Variants in RBFOX1 observed in about 807,000 individuals in gnomAD.
The protein encoded by RBFOX1 is RNA binding protein fox-1 homolog 1.
Under a neutral mutation model 57.7 loss-of-function variants are expected in RBFOX1, and 8 were observed. The observed-to-expected ratio is 0.14, with a 90% CI of 0.08 to 0.25. The LOEUF (loss-of-function observed/expected upper bound fraction) is 0.25, where lower values mean the gene tolerates loss of function less well. RBFOX1 is among the 10% of genes least tolerant of loss of function. RBFOX1 has a pLI of 1.00. For synonymous variants in RBFOX1, 326 were observed against 222.4 expected (o/e 1.47, Z -4.15); for missense variants, 611 against 548.5 (o/e 1.11, Z -1.14).
Position 5,922,029 on chromosome 16 carries a change from T to G in RBFOX1, c.351+54694T>G, listed in dbSNP as rs550275306. ...AAGAAAAATTCGCCGGGCATGGTGATGTACTCTTGTGGTCTCAGCTACTTG... is the reference window on the plus strand; with the variant it reads ...AAGAAAAATTCGCCGGGCATGGTGAGGTACTCTTGTGGTCTCAGCTACTTG... On this transcript the variant is annotated intron_variant, in intron 4 of 19. Coordinates refer to the RBFOX1 transcript ENST00000641259. Among the ~76,000 whole-genome samples the G allele has an allele frequency of 3.2e-4, 49 of 151,464 alleles. 1 individual carries two copies. The highest frequency in any genetic ancestry group is 1.1e-3 in the African/African-American group (46 of 41,292).
At chr16:6,980,369 G>A (rs1460664426) in intron 3 of RBFOX1, among the ~76,000 whole-genome samples, 1 of 151,914 alleles carries the variant, frequency 6.6e-6, no homozygotes, top group Non-Finnish European at 1.5e-5. Flanking sequence ...CATTTCTTTT[G>A]TTTTCTAATC....
chr16:6,747,137 C>G (rs2073864648), intron 3 of RBFOX1, among the ~76,000 whole-genome samples: 1 of 152,156 alleles, frequency 6.6e-6, no homozygotes, highest in South Asian at 2.1e-4. Flanking sequence ...CGGCCAGGCG[C>G]AGTGGCTCAC....
At chr16:6,967,202 A>T (rs576958410) in intron 3 of RBFOX1, among the ~76,000 whole-genome samples, 4 of 152,044 alleles carry the variant, frequency 2.6e-5, no homozygotes, top group African/African-American at 9.6e-5. Context: ...CTATACATTG[A>T]TCCATCTCTC....
At chr16:5,860,763 G>A (rs150490841) in intron 3 of RBFOX1, among the ~76,000 whole-genome samples, 120 of 152,278 alleles carry the variant, frequency 7.9e-4, no homozygotes, top group African/African-American at 2.7e-3. Flanking sequence ...ATGGGTCAAC[G>A]TCCTTCTCCA....
intron 4 of RBFOX1, among the ~76,000 whole-genome samples, chr16:5,897,077 G>A (rs1159897299): frequency 3.1e-5 from 4 of 128,144 alleles, no homozygotes; most frequent in East Asian, 4.7e-4. Flanking sequence ...CGCCCAGGCC[G>A]GACTGCGGAC....
intron 4 of RBFOX1, 48 bp downstream of exon 4, chr16:7,052,146 G>T: frequency 6.3e-7 from 1 of 1,576,454 alleles, no homozygotes; most frequent in Non-Finnish European, 8.6e-7. Context: ...ATTTTTGTGT[G>T]ATAAGCAAAA....
At position 5,790,874 on chromosome 16, in the gene RBFOX1, GTTT is replaced by G. The variant is rs199561677; in HGVS notation, c.319-76419_319-76417del. Among the ~76,000 whole-genome samples the G allele has an allele frequency of 3.1e-4, 43 of 137,860 alleles. No homozygotes were observed. The East Asian group carries it at 7.6e-3, about 24-fold the overall frequency. The allele number at this position is 137,860 out of a possible 152,430, so 90.4% of individuals were successfully genotyped here. ...GTGGGTCTTTATTTTTTTTTTTTTTGTTTTTTTTTTTTGAGACATGATTTCACT... is the reference window on the plus strand; with the variant it reads ...GTGGGTCTTTATTTTTTTTTTTTTTGTTTTTTTTTGAGACATGATTTCACT... On this transcript the variant is annotated intron_variant, in intron 3 of 19. Coordinates refer to the RBFOX1 transcript ENST00000641259.
intron 4 of RBFOX1, among the ~76,000 whole-genome samples, chr16:7,495,528 G>A (rs1231255858): frequency 2.0e-5 from 3 of 152,116 alleles, no homozygotes; most frequent in Non-Finnish European, 4.4e-5. Flanking sequence ...GGTGCGAGAT[G>A]GTATCTCACT....
At chr16:5,742,940 C>T (rs1363627114) in intron 3 of RBFOX1, among the ~76,000 whole-genome samples, 2 of 152,194 alleles carry the variant, frequency 1.3e-5, no homozygotes, top group Non-Finnish European at 2.9e-5. Context: ...GTGTGTATCA[C>T]AGCAGGGACA....
chr16:6,596,444 G>A (rs984699263), intron 2 of RBFOX1, among the ~76,000 whole-genome samples: 5 of 152,222 alleles, frequency 3.3e-5, no homozygotes, highest in Non-Finnish European at 5.9e-5. Context: ...TTTAATTGTA[G>A]AATGTAAATA....
At chr16:6,218,255 A>G (rs1360836978) in intron 1 of RBFOX1, among the ~76,000 whole-genome samples, 1 of 151,790 alleles carries the variant, frequency 6.6e-6, no homozygotes, top group Non-Finnish European at 1.5e-5. Flanking sequence ...AGCTAAGACT[A>G]TAAACAGGAC....
At chr16:7,187,211 A>G (rs1359629128) in intron 4 of RBFOX1, among the ~76,000 whole-genome samples, 1 of 151,984 alleles carries the variant, frequency 6.6e-6, no homozygotes, top group South Asian at 2.1e-4. Context: ...CTCTCTAGTC[A>G]TTTTGAAGTA....
chr16:6,317,339 T>C (rs1359515402), intron 2 of RBFOX1, among the ~76,000 whole-genome samples: 1 of 152,096 alleles, frequency 6.6e-6, no homozygotes, highest in Non-Finnish European at 1.5e-5. Context: ...TAAAATGTGT[T>C]TTTGGTTTCT....
chr16:6,874,120 A>G (rs908215503), intron 3 of RBFOX1: 1 of 152,212 alleles, frequency 6.6e-6, no homozygotes, highest in Non-Finnish European at 1.5e-5. Context: ...AATTTCAGAA[A>G]TATGGAACCA....
intron 3 of RBFOX1, among the ~76,000 whole-genome samples, chr16:7,037,188 C>T (rs901084036): frequency 6.7e-6 from 1 of 150,280 alleles, no homozygotes. Flanking sequence ...ACTTAGAATG[C>T]CTTAGCCATC....
At chr16:6,326,867 G>A (rs1300774580) in intron 2 of RBFOX1, among the ~76,000 whole-genome samples, 1 of 152,136 alleles carries the variant, frequency 6.6e-6, no homozygotes, top group Non-Finnish European at 1.5e-5. Context: ...ACTACAGCCG[G>A]TGCAGGTGTG....
chr16:5,920,041 C>T (rs1219801513), intron 4 of RBFOX1, among the ~76,000 whole-genome samples: 2 of 152,230 alleles, frequency 1.3e-5, no homozygotes, highest in Non-Finnish European at 2.9e-5. Context: ...TCACGTCATT[C>T]TCCTGCCTCA....
chr16:7,201,700 T>C (rs1444236012), intron 4 of RBFOX1, among the ~76,000 whole-genome samples: 3 of 152,056 alleles, frequency 2.0e-5, no homozygotes, highest in African/African-American at 7.2e-5. Context: ...AGACCTCAGG[T>C]GGTCCACCCA....
At chr16:6,471,580 A>G (rs1034250816) in intron 2 of RBFOX1, among the ~76,000 whole-genome samples, 5 of 32,094 alleles carry the variant, frequency 1.6e-4, no homozygotes, top group African/African-American at 3.0e-4. Context: ...TTATAATTGG[A>G]AAAAAAAAAA....
Sources: allele counts gnomAD v4.1 joint callset (sites outside exome capture counted in the v4.1 genomes callset), GRCh38; gene constraint gnomAD v4.1.1; transcripts MANE v1.5; gene names NCBI Gene and HGNC (gene_info 2026-07-23, HGNC 2026-07-21).